The following TENM4 variants were observed in gnomAD, a reference collection of about 807,000 sequenced individuals.
TENM4 encodes teneurin transmembrane protein 4, also known as teneurin-4.
In TENM4, 82 loss-of-function variants were observed where a neutral mutation model predicts 243.3. The ratio of observed to expected loss-of-function variants is 0.34; its 90% CI spans 0.28 to 0.40. The LOEUF (loss-of-function observed/expected upper bound fraction) is 0.40, where lower values mean the gene tolerates loss of function less well. TENM4 is among the 10% of genes least tolerant of loss of function. The pLI is 1.00. For missense variants in TENM4, 3,138 were observed against 3,673.3 expected (o/e 0.85, Z 3.77); for synonymous variants, 1,412 against 1,456.3 (o/e 0.97, Z 0.69).
intron 9 of TENM4, among the ~76,000 whole-genome samples, chr11:78,870,969 A>C (rs1258521898): frequency 1.3e-5 from 2 of 152,206 alleles, no homozygotes; most frequent in African/African-American, 4.8e-5. Flanking sequence ...GGTGGGCTCT[A>C]CTAAGACCTC....
At chr11:79,398,178 T>C (rs529952712) in intron 1 of TENM4, among the ~76,000 whole-genome samples, 3 of 152,268 alleles carry the variant, frequency 2.0e-5, no homozygotes, top group East Asian at 1.9e-4. Flanking sequence ...ACTTTTTTTT[T>C]CCTATGCTTT....
chr11:78,770,012 T>A (rs1035107324), intron 18 of TENM4, among the ~76,000 whole-genome samples: 2 of 152,232 alleles, frequency 1.3e-5, no homozygotes, highest in African/African-American at 4.8e-5. Context: ...GTGCAACATA[T>A]TAGAAAGTCC....
At chr11:79,294,350 C>T (rs1442698062) in intron 2 of TENM4, among the ~76,000 whole-genome samples, 1 of 152,150 alleles carries the variant, frequency 6.6e-6, no homozygotes, top group Non-Finnish European at 1.5e-5. Context: ...CTACCAGCCC[C>T]GTTATTGACT....
At chr11:78,698,690 G>C (rs929638674) in intron 28 of TENM4, among the ~76,000 whole-genome samples, 2 of 152,134 alleles carry the variant, frequency 1.3e-5, no homozygotes, top group African/African-American at 2.4e-5. Flanking sequence ...TTTACTTTCA[G>C]TATTTATTTA....
chr11:79,298,994 C>T (rs1364144572), intron 1 of TENM4, among the ~76,000 whole-genome samples: 3 of 151,730 alleles, frequency 2.0e-5, no homozygotes, highest in South Asian at 2.1e-4. Context: ...TTGCTAACAG[C>T]GTAAAGGAAT....
At chr11:79,385,018 C>T (rs1279340069) in intron 1 of TENM4, among the ~76,000 whole-genome samples, 2 of 147,526 alleles carry the variant, frequency 1.4e-5, no homozygotes, top group Non-Finnish European at 3.0e-5. Flanking sequence ...AATCACTGCA[C>T]ATTCTAAAGC....
intron 6 of TENM4, among the ~76,000 whole-genome samples, chr11:78,952,465 T>C (rs1311414692): frequency 6.6e-6 from 1 of 152,032 alleles, no homozygotes; most frequent in East Asian, 1.9e-4. Flanking sequence ...ACGTGAGGGA[T>C]GGATTAAAGG....
At chr11:79,377,989 A>G (rs755711044) in intron 1 of TENM4, among the ~76,000 whole-genome samples, 15 of 152,212 alleles carry the variant, frequency 9.9e-5, no homozygotes, top group Non-Finnish European at 2.2e-4. Context: ...GTCAGGCTCA[A>G]ACACTAAACA....
At chr11:79,252,579 C>T (rs1289530554) in intron 2 of TENM4, among the ~76,000 whole-genome samples, 1 of 152,312 alleles carries the variant, frequency 6.6e-6, no homozygotes, top group East Asian at 1.9e-4. Context: ...AAAACTAGGG[C>T]AACTACTGGG....
intron 4 of TENM4, among the ~76,000 whole-genome samples, chr11:79,146,830 C>A (rs1034660288): frequency 6.6e-6 from 1 of 152,086 alleles, no homozygotes; most frequent in African/African-American, 2.4e-5. Context: ...GTGACCAAGG[C>A]CACATAACTT....
At chr11:78,770,338 C>G (rs1481563293) in intron 18 of TENM4, among the ~76,000 whole-genome samples, 1 of 152,162 alleles carries the variant, frequency 6.6e-6, no homozygotes, top group Non-Finnish European at 1.5e-5. Flanking sequence ...GAGTGAGGCT[C>G]AGAGCCACCA....
Position 78,670,070 on chromosome 11 carries a change from G to C in TENM4, c.6275C>G (p.Thr2092Ser). The change falls in exon 32 of 34, where the codon ACC (threonine) becomes AGC (serine). Residue 2092 changes from threonine (T) to serine (S), a missense_variant. By Grantham distance (58) the Thr-to-Ser change is moderately conservative. Coordinates refer to ENST00000278550, the MANE Select transcript of TENM4 (RefSeq NM_001098816.3). Reference sequence around the variant, plus strand: ...CTCGTTGATCACAGCCTGCATGCTGGTCACCCGGAAGCTGTTGTCATAGTT... The same window carrying C: ...CTCGTTGATCACAGCCTGCATGCTGCTCACCCGGAAGCTGTTGTCATAGTT... The part of the protein sequence containing the change: ...DYNYDNSFRV[T>S]SMQAVINETP... 6.2e-7 allele frequency: 1 copy of C among 1,613,950 alleles called. No homozygotes were observed. The highest frequency in any genetic ancestry group is 1.1e-5 in the South Asian group (1 of 91,080).
intron 12 of TENM4, among the ~76,000 whole-genome samples, 189 bp downstream of exon 12, chr11:78,853,915 C>A (rs1858608679): frequency 6.6e-6 from 1 of 152,196 alleles, no homozygotes. Context: ...CAGCCCTGGG[C>A]TCAGAAGCCA....
In TENM4 at chr11:79,215,892, G is replaced by T; in HGVS notation, c.-247C>A. 1.0e-6 allele frequency: 1 copy of T among 977,146 alleles called. No homozygotes were observed. The highest frequency in any genetic ancestry group is 6.1e-5 in the Admixed American group (1 of 16,286). The allele number at this position is 977,146 out of a possible 1,614,324, so 60.5% of individuals were successfully genotyped here. A position where few individuals can be genotyped will look rare whatever the true frequency, so the allele number is the denominator to read the frequency against. ...TCTCCAAGGCCATTGGATCCTGGAG[G>T]ATGGTGCGGGATCTTTTCTGTTGAA... On this transcript the variant is annotated 5_prime_UTR_variant, in exon 3 of 34. Transcript: ENST00000278550.
chr11:78,998,203 C>T (rs953047692), intron 6 of TENM4, among the ~76,000 whole-genome samples: 2 of 152,208 alleles, frequency 1.3e-5, no homozygotes, highest in African/African-American at 2.4e-5. Context: ...CTTCATGGTA[C>T]AGTAGAAAAG....
intron 20 of TENM4, among the ~76,000 whole-genome samples, chr11:78,733,833 G>T (rs1855726521): frequency 6.6e-6 from 1 of 152,072 alleles, no homozygotes; most frequent in Admixed American, 6.6e-5. Flanking sequence ...CGGCAGGCTG[G>T]GTCTGCTGAA....
At chr11:79,163,987 GTGTATA>G (rs1862827159) in intron 3 of TENM4, among the ~76,000 whole-genome samples, 1 of 119,632 alleles carries the variant, frequency 8.4e-6, no homozygotes, top group Non-Finnish European at 1.7e-5. Context: ...TGTATATATA[GTGTATA>G]TATAGTATAG....
rs982784854 is a variant in TENM4 at position 79,440,109 on chromosome 11, G to A, written c.-321+400C>T. Reference sequence around the variant, plus strand: ...CGGGCTCCTCCAGCGCCCGACGGGGGCCTGGGGCGAGCTAGTCTGCAGAGG... The same window carrying A: ...CGGGCTCCTCCAGCGCCCGACGGGGACCTGGGGCGAGCTAGTCTGCAGAGG... On this transcript the variant is annotated intron_variant, in intron 1 of 33. Transcript: ENST00000278550. The surrounding 1 kb of genome is among the most constrained non-coding windows in gnomAD (Gnocchi z 4.7). 5.9e-5 allele frequency among the ~76,000 whole-genome samples: 9 copies of A among 152,236 alleles called. No homozygotes were observed. The highest frequency in any genetic ancestry group is 1.0e-4 in the Non-Finnish European group (7 of 67,990).
intron 3 of TENM4, among the ~76,000 whole-genome samples, chr11:79,208,800 T>G (rs185954533): frequency 2.6e-4 from 39 of 152,346 alleles, no homozygotes; most frequent in African/African-American, 7.5e-4. Context: ...TTCTGCATAC[T>G]TGGCTTTTCC....
Sources: gnomAD v4.1 joint callset for allele counts (sites outside exome capture counted in the v4.1 genomes callset) on GRCh38, gnomAD v4.1.1 for gene constraint, Gnocchi (gnomAD v3.1) non-coding constraint, MANE v1.5 for transcripts, NCBI Gene and HGNC (gene_info 2026-07-23, HGNC 2026-07-21) for gene names.